Variants in PPP2R3A observed in about 807,000 individuals in gnomAD.
PPP2R3A encodes the protein protein phosphatase 2 regulatory subunit B''alpha.
In PPP2R3A, 80 loss-of-function variants were observed where a neutral mutation model predicts 106.9. The ratio of observed to expected loss-of-function variants is 0.75; its 90% CI spans 0.62 to 0.90. The LOEUF is 0.90. Ranked by LOEUF, PPP2R3A falls within the 40% of genes least tolerant of loss-of-function variation. The pLI is 0.00. For synonymous variants in PPP2R3A, 483 were observed against 468.3 expected, an observed-to-expected ratio of 1.03 and a Z score of -0.41; for missense variants, 1,386 against 1,350.4, an observed-to-expected ratio of 1.03 and a Z score of -0.41.
intron 2 of PPP2R3A, among the ~76,000 whole-genome samples, chr3:136,006,787 A>T (rs1209350258): frequency 6.6e-6 from 1 of 152,236 alleles, no homozygotes; most frequent in African/African-American, 2.4e-5. Flanking sequence ...ATATAGATAT[A>T]TATGAATCCA....
At chr3:136,043,340 TC>T (rs1029070330) in intron 4 of PPP2R3A, among the ~76,000 whole-genome samples, 3 of 152,010 alleles carry the variant, frequency 2.0e-5, no homozygotes, top group African/African-American at 7.3e-5. Context: ...GCACCTGTAG[TC>T]CCAGCTACTC....
chr3:136,007,390 G>A (rs1467277915), intron 2 of PPP2R3A, among the ~76,000 whole-genome samples: 3 of 152,212 alleles, frequency 2.0e-5, no homozygotes, highest in Non-Finnish European at 4.4e-5. Flanking sequence ...TCTCAAGGAT[G>A]GGTACAAGAG....
chr3:136,045,240 C>G (rs543108423), intron 4 of PPP2R3A, among the ~76,000 whole-genome samples: 1 of 152,172 alleles, frequency 6.6e-6, no homozygotes, highest in Non-Finnish European at 1.5e-5. Flanking sequence ...CCCAGTGGAG[C>G]GCTTTTACTG....
chr3:136,094,424 G>T (rs1426680615), intron 10 of PPP2R3A, among the ~76,000 whole-genome samples: 1 of 152,094 alleles, frequency 6.6e-6, no homozygotes, highest in Non-Finnish European at 1.5e-5. Flanking sequence ...ATACTAGAAA[G>T]TATGTTCTGT....
At chr3:136,136,074 T>TATATATATATATATATATATATATA (rs1491542071) in intron 13 of PPP2R3A, among the ~76,000 whole-genome samples, 1 of 30,358 alleles carries the variant, frequency 3.3e-5, no homozygotes, top group African/African-American at 7.2e-5. Flanking sequence ...AAAAAAAAAA[T>TATATATATATATATATATATATATA]TATATATATA....
At chr3:136,144,646 G>A (rs1939029576) in intron 13 of PPP2R3A, among the ~76,000 whole-genome samples, 1 of 151,118 alleles carries the variant, frequency 6.6e-6, no homozygotes, top group African/African-American at 2.5e-5. Context: ...GGGTGACAGA[G>A]CAAGGCTCCG....
chr3:136,045,513 C>T (rs1267743463), intron 4 of PPP2R3A, among the ~76,000 whole-genome samples: 1 of 152,204 alleles, frequency 6.6e-6, no homozygotes, highest in Non-Finnish European at 1.5e-5. Flanking sequence ...GTCTGGAACA[C>T]CTAATAGCCC....
intron 10 of PPP2R3A, among the ~76,000 whole-genome samples, chr3:136,094,977 G>T (rs764501488): frequency 3.4e-4 from 52 of 152,180 alleles, no homozygotes; most frequent in Non-Finnish European, 6.9e-4. Context: ...AGTAAGTCAA[G>T]GCTTAGTTCC....
intron 2 of PPP2R3A, among the ~76,000 whole-genome samples, chr3:136,025,030 TTTA>T (rs1934599620): frequency 6.6e-6 from 1 of 152,190 alleles, no homozygotes; most frequent in African/African-American, 2.4e-5. Flanking sequence ...AAATGATTAT[TTTA>T]TTATTGAATC....
chr3:136,010,583 C>T (rs185116433), intron 2 of PPP2R3A, among the ~76,000 whole-genome samples: 174 of 152,040 alleles, frequency 1.1e-3, no homozygotes, highest in African/African-American at 4.1e-3. Flanking sequence ...CCCGCCACTA[C>T]GCCCGGCTAA....
chr3:136,140,170 C>T (rs189336844), intron 13 of PPP2R3A, among the ~76,000 whole-genome samples: 3 of 152,054 alleles, frequency 2.0e-5, no homozygotes, highest in East Asian at 3.9e-4. Flanking sequence ...ATTTGAGCCC[C>T]GGGGAATACC....
At chr3:136,025,141 C>T (rs1345829303) in intron 2 of PPP2R3A, among the ~76,000 whole-genome samples, 2 of 152,100 alleles carry the variant, frequency 1.3e-5, no homozygotes, top group African/African-American at 2.4e-5. Flanking sequence ...GATCTCTGCC[C>T]AGCACTGTTC....
intron 1 of PPP2R3A, among the ~76,000 whole-genome samples, chr3:135,990,173 G>T (rs746275470): frequency 6.6e-6 from 1 of 152,098 alleles, no homozygotes; most frequent in Admixed American, 6.6e-5. Flanking sequence ...ACTGCCATCC[G>T]TACCATTCTT....
chr3:136,111,900 T>C (rs1371289769), intron 13 of PPP2R3A, among the ~76,000 whole-genome samples: 4 of 151,970 alleles, frequency 2.6e-5, no homozygotes, highest in Non-Finnish European at 5.9e-5. Flanking sequence ...CACAACAAAA[T>C]AGTAGCAAAT....
chr3:135,968,650 C>T (rs1176288682), intron 1 of PPP2R3A, among the ~76,000 whole-genome samples: 1 of 137,616 alleles, frequency 7.3e-6, no homozygotes, highest in East Asian at 1.9e-4. Context: ...GGGCCCTCCT[C>T]CAAGCAAATC....
intron 9 of PPP2R3A, 98 bp downstream of exon 9, chr3:136,088,029 T>A (rs1324484433): frequency 8.6e-6 from 8 of 934,324 alleles, no homozygotes; most frequent in Non-Finnish European, 1.3e-5. Context: ...GGCAGTGCTA[T>A]TGGACCAAAT....
At chr3:136,021,139 T>TA (rs1934451641) in intron 2 of PPP2R3A, among the ~76,000 whole-genome samples, 1 of 152,062 alleles carries the variant, frequency 6.6e-6, no homozygotes, top group African/African-American at 2.4e-5. Context: ...TCTAAAGGCC[T>TA]AGTTGCATTC....
intron 4 of PPP2R3A, among the ~76,000 whole-genome samples, chr3:136,047,444 A>G (rs1410471462): frequency 6.6e-6 from 1 of 152,258 alleles, no homozygotes; most frequent in East Asian, 1.9e-4. Flanking sequence ...CAGGTACACC[A>G]TGGACTACTA....
intron 1 of PPP2R3A, among the ~76,000 whole-genome samples, chr3:135,973,023 C>T (rs1937291121): frequency 6.6e-6 from 1 of 152,136 alleles, no homozygotes; most frequent in Admixed American, 6.6e-5. Flanking sequence ...AATCCAAGGT[C>T]CTGCCAGTTT....
Sources: gnomAD v4.1 joint callset for allele counts (sites outside exome capture counted in the v4.1 genomes callset) on GRCh38, gnomAD v4.1.1 for gene constraint, MANE v1.5 for transcripts, NCBI Gene and HGNC (gene_info 2026-07-23, HGNC 2026-07-21) for gene names.